DOCK1: variants seen among roughly 807,000 people sequenced by gnomAD.
DOCK1 encodes dedicator of cytokinesis 1.
A neutral mutation model predicts 262.7 loss-of-function variants in DOCK1; 138 were observed. That is an observed-to-expected ratio of 0.53 (90% confidence interval 0.46 to 0.61). DOCK1 has a LOEUF of 0.61. Ranked by LOEUF, DOCK1 falls within the 20% of genes least tolerant of loss-of-function variation. The pLI, the probability that DOCK1 is intolerant of heterozygous loss-of-function variation, is 0.00. For missense variants in DOCK1, 1,908 were observed against 2,370.7 expected (o/e 0.80, Z 4.05); for synonymous variants, 866 against 867.4 (o/e 1.00, Z 0.03).
chr10:127,053,455 T>G (rs148213759), intron 22 of DOCK1, among the ~76,000 whole-genome samples: 22 of 152,240 alleles, frequency 1.4e-4, no homozygotes, highest in African/African-American at 5.1e-4. Flanking sequence ...GAGTGATGTT[T>G]CATTTCGGGA....
At chr10:127,069,646 C>A (rs118143109) in intron 23 of DOCK1, among the ~76,000 whole-genome samples, 1 of 152,000 alleles carries the variant, frequency 6.6e-6, no homozygotes, top group Admixed American at 6.6e-5. Flanking sequence ...GAATGAGGAC[C>A]GTCTAGGTCA....
intron 6 of DOCK1, 44 bp downstream of exon 6, chr10:126,990,647 G>A (rs1458117622): frequency 1.3e-6 from 2 of 1,599,228 alleles, no homozygotes; most frequent in Non-Finnish European, 1.7e-6. Context: ...ATTATCCAAT[G>A]TAATAACATC....
chr10:127,190,273 T>G (rs1182662091), intron 27 of DOCK1, among the ~76,000 whole-genome samples: 2 of 152,210 alleles, frequency 1.3e-5, no homozygotes, highest in African/African-American at 4.8e-5. Context: ...AAACACTGCA[T>G]GGCCAGACGT....
chr10:127,037,747 C>T lies in DOCK1; in HGVS notation c.1941C>T (p.Arg647=), dbSNP rs1183397449. ...NVDLLGLLKW[R]SNTSLLQQNL... is the part of the protein sequence containing the mutation. ...ACCTTCTGGGGCTCTTGAAATGGCG[C>T]TCCAACACCAGCCTGCTGCAGCAGA... Residue 647 remains arginine, a synonymous_variant, in exon 19 of 52, where the codon CGC becomes CGT. Transcript: ENST00000623213. 2 of 1,595,518 alleles carry T rather than the reference C, an allele frequency of 1.3e-6. No individual in the cohort carries two copies.
At chr10:127,444,000 C>T in intron 49 of DOCK1, 126 bp from the exon 50 acceptor site, 2 of 1,269,132 alleles carry the variant, frequency 1.6e-6, no homozygotes, top group Non-Finnish European at 2.2e-6. Flanking sequence ...TTGCAAAGAC[C>T]CTATTTCCAG....
intron 29 of DOCK1, among the ~76,000 whole-genome samples, chr10:127,287,519 G>T (rs1281121108): frequency 6.6e-6 from 1 of 151,952 alleles, no homozygotes; most frequent in African/African-American, 2.4e-5. Context: ...AATTTATATT[G>T]CAATGTTTGT....
intron 18 of DOCK1, among the ~76,000 whole-genome samples, chr10:127,034,892 C>T (rs954939465): frequency 6.6e-6 from 1 of 152,198 alleles, no homozygotes; most frequent in Non-Finnish European, 1.5e-5. Context: ...AGGACATCCC[C>T]CCGGGGGGTG....
At chr10:127,180,577 G>T (rs2055629659) in intron 27 of DOCK1, among the ~76,000 whole-genome samples, 1 of 152,142 alleles carries the variant, frequency 6.6e-6, no homozygotes, top group African/African-American at 2.4e-5. Context: ...ATCAAAGTGA[G>T]CTGTAAATAC....
At chr10:126,945,781 C>A (rs1020053444) in intron 1 of DOCK1, among the ~76,000 whole-genome samples, 1 of 152,206 alleles carries the variant, frequency 6.6e-6, no homozygotes, top group Admixed American at 6.5e-5. Context: ...GTATGGCTGG[C>A]GGTCGTGAGC....
Position 127,175,251 on chromosome 10 carries a change from A to G in DOCK1, c.2847+47487A>G. 6.2e-7 allele frequency: 1 copy of G among 1,613,800 alleles called. No individual in the cohort carries two copies. Among genetic ancestry groups the G allele is most frequent in the Non-Finnish European group, 8.5e-7 (1 of 1,179,958 alleles). On this transcript the variant is annotated intron_variant, in intron 27 of 51. Transcript: ENST00000623213. This position sits in a 1 kb window ranked among gnomAD's most constrained non-coding sequence, Gnocchi z 6.3. ...CTCTCCTTTTTCCAACTCCTGAATG[A>G]CCCCCAAGAGCACTTTGATGGTTTC...
At chr10:127,214,105 C>T (rs952661130) in intron 27 of DOCK1, among the ~76,000 whole-genome samples, 8 of 152,174 alleles carry the variant, frequency 5.3e-5, no homozygotes, top group Middle Eastern at 3.2e-3. Flanking sequence ...CCTCGGCGTC[C>T]CAAAGTGCTG....
rs148882135 is a variant in DOCK1 at position 127,130,865 on chromosome 10, G to T, written c.2847+3101G>T. ...AAGACACAGGCACACGATGCTGATGGCCGTGGTCCACTTCAGAAGTCATCG... is the reference window on the plus strand; with the variant it reads ...AAGACACAGGCACACGATGCTGATGTCCGTGGTCCACTTCAGAAGTCATCG... On this transcript the variant is annotated intron_variant, in intron 27 of 51. Coordinates refer to ENST00000623213, the MANE Select transcript of DOCK1 (RefSeq NM_001290223.2). Among the ~76,000 whole-genome samples the T allele has an allele frequency of 2.5e-3, 380 of 152,278 alleles. 3 individuals are homozygous for T. Among genetic ancestry groups the T allele is most frequent in the African/African-American group, 8.8e-3 (367 of 41,558 alleles).
At chr10:127,408,615 G>A (rs2067660989) in intron 40 of DOCK1, among the ~76,000 whole-genome samples, 1 of 152,192 alleles carries the variant, frequency 6.6e-6, no homozygotes, top group Admixed American at 6.5e-5. Flanking sequence ...CTTCATTAGG[G>A]CCTACCTGAG....
chr10:127,099,467 C>T (rs1592020059), intron 23 of DOCK1, among the ~76,000 whole-genome samples: 2 of 152,140 alleles, frequency 1.3e-5, no homozygotes, highest in East Asian at 3.9e-4. Context: ...TTTATTTTGG[C>T]CCCGGTTCTG....
chr10:127,251,653 T>C (rs1355382894), intron 28 of DOCK1, among the ~76,000 whole-genome samples: 1 of 150,170 alleles, frequency 6.7e-6, no homozygotes, highest in African/African-American at 2.4e-5. Flanking sequence ...GTCCTTGCAA[T>C]AGTTTACTGA....
chr10:127,218,165 T>C (rs2058292095), intron 27 of DOCK1, among the ~76,000 whole-genome samples: 1 of 152,252 alleles, frequency 6.6e-6, no homozygotes, highest in Non-Finnish European at 1.5e-5. Context: ...GTTAATGTAT[T>C]TGAATACAGA....
intron 1 of DOCK1, among the ~76,000 whole-genome samples, chr10:126,947,114 G>T (rs1190692577): frequency 6.6e-6 from 1 of 152,188 alleles, no homozygotes; most frequent in Non-Finnish European, 1.5e-5. Context: ...TGCAGAAATG[G>T]GATTGCTGTT....
intron 24 of DOCK1, among the ~76,000 whole-genome samples, chr10:127,109,172 C>G (rs2048719767): frequency 6.6e-6 from 1 of 152,168 alleles, no homozygotes; most frequent in Non-Finnish European, 1.5e-5. Flanking sequence ...GAAGGTAAAA[C>G]CAACATTCTA....
chr10:126,977,918 A>G, intron 2 of DOCK1, 30 bp from the exon 3 acceptor site: 1 of 1,612,820 alleles, frequency 6.2e-7, no homozygotes, highest in Middle Eastern at 1.7e-4. Context: ...GTCTCTTTGT[A>G]CTAACTGTTT....
Sources: allele counts gnomAD v4.1 joint callset (sites outside exome capture counted in the v4.1 genomes callset), GRCh38; gene constraint gnomAD v4.1.1; non-coding constraint Gnocchi (gnomAD v3.1); transcripts MANE v1.5; gene names NCBI Gene and HGNC (gene_info 2026-07-23, HGNC 2026-07-21).